Variants in OLFM3 observed in about 807,000 individuals in gnomAD.
OLFM3 encodes noelin-3.
OLFM3 carries 20 observed loss-of-function variants against 48.6 expected under a neutral mutation model. That is an observed-to-expected ratio of 0.41 (90% CI 0.29 to 0.60). The LOEUF (loss-of-function observed/expected upper bound fraction) is 0.60, where lower values mean the gene tolerates loss of function less well. Ranked by LOEUF, OLFM3 falls within the 20% of genes least tolerant of loss-of-function variation. The pLI is 0.28. For synonymous variants in OLFM3, 222 were observed against 198.1 expected (o/e 1.12, Z -1.01); for missense variants, 437 against 544.3 (o/e 0.80, Z 1.96).
chr1:101,830,878 G>A (rs749263966), intron 2 of OLFM3, 51 bp from the exon 3 acceptor site: 3 of 1,543,302 alleles, frequency 1.9e-6, no homozygotes, highest in East Asian at 4.6e-5. Flanking sequence ...GCAGGTTTGT[G>A]CAATCACTAA....
At position 101,825,764 on chromosome 1, in the gene OLFM3, C is replaced by T. The variant is rs145452897; in HGVS notation, c.373-519G>A. Among the ~76,000 whole-genome samples the T allele has an allele frequency of 2.2e-3, 340 of 152,234 alleles. 2 individuals are homozygous for T. Among genetic ancestry groups the T allele is most frequent in the African/African-American group, 7.9e-3 (329 of 41,552 alleles). On this transcript the variant is annotated intron_variant, in intron 3 of 5. Coordinates refer to ENST00000370103, the MANE Select transcript of OLFM3 (RefSeq NM_058170.4). ...GGACTCTGGATCAGCTTTTTTCTGA[C>T]ACTTAGAATTTTTCCATCATGGCCA...
intron 1 of OLFM3, among the ~76,000 whole-genome samples, chr1:101,848,650 A>G (rs775048740): frequency 8.5e-5 from 13 of 152,316 alleles, no homozygotes; most frequent in South Asian, 2.1e-4. Context: ...ACAATATTTT[A>G]TGTATTAAAC....
intron 1 of OLFM3, among the ~76,000 whole-genome samples, chr1:101,931,250 C>T (rs911733671): frequency 1.3e-5 from 2 of 152,068 alleles, no homozygotes; most frequent in African/African-American, 2.4e-5. Flanking sequence ...ATGCATAAGG[C>T]CAAAAAATTG....
chr1:101,976,470 A>G (rs1660955073), intron 1 of OLFM3, among the ~76,000 whole-genome samples: 4 of 152,214 alleles, frequency 2.6e-5, no homozygotes, highest in Admixed American at 1.3e-4. Context: ...ACACACGGAT[A>G]CAAATACTAA....
In OLFM3 at chr1:101,905,612, T is replaced by C. The variant is rs74107124; in HGVS notation, c.70-68587A>G. On this transcript the variant is annotated intron_variant, in intron 1 of 5. Transcript: ENST00000370103. ...GTGCTCATCAAGCTAACAGCCAGTTTCCAGGGAATAAATAAAGCCTCTGAA... is the reference window on the plus strand; with the variant it reads ...GTGCTCATCAAGCTAACAGCCAGTTCCCAGGGAATAAATAAAGCCTCTGAA... Among the ~76,000 whole-genome samples the C allele has an allele frequency of 7.5e-3, 1,135 of 152,220 alleles. 12 individuals carry two copies. Among genetic ancestry groups the C allele is most frequent in the African/African-American group, 0.026 (1,073 of 41,552 alleles).
chr1:101,960,236 A>T (rs892047092), intron 1 of OLFM3, among the ~76,000 whole-genome samples: 1 of 152,160 alleles, frequency 6.6e-6, no homozygotes, highest in African/African-American at 2.4e-5. Flanking sequence ...ACCATGAAAT[A>T]TTATAAAGGC....
At chr1:101,934,954 GAC>G (rs1220317720) in intron 1 of OLFM3, among the ~76,000 whole-genome samples, 3 of 152,112 alleles carry the variant, frequency 2.0e-5, no homozygotes, top group African/African-American at 7.2e-5. Context: ...GAATCTCTGA[GAC>G]ACTGCTAAAC....
intron 1 of OLFM3, among the ~76,000 whole-genome samples, chr1:101,841,515 C>T (rs1471796969): frequency 6.6e-6 from 1 of 152,172 alleles, no homozygotes; most frequent in Non-Finnish European, 1.5e-5. Context: ...ACAGGCCCCA[C>T]TGTAGTTGAT....
At chr1:101,833,025 T>C (rs558567980) in intron 2 of OLFM3, among the ~76,000 whole-genome samples, 5 of 152,346 alleles carry the variant, frequency 3.3e-5, no homozygotes, top group African/African-American at 1.2e-4. Flanking sequence ...AAATATGGCA[T>C]TTGTCTGTGA....
chr1:101,862,325 T>C (rs940671649), intron 1 of OLFM3, among the ~76,000 whole-genome samples: 11 of 152,194 alleles, frequency 7.2e-5, no homozygotes, highest in Non-Finnish European at 5.9e-5. Flanking sequence ...TGTCTCAGTG[T>C]TACATCCTTT....
intron 4 of OLFM3, among the ~76,000 whole-genome samples, chr1:101,822,133 G>A (rs1263049013): frequency 6.6e-6 from 1 of 151,970 alleles, no homozygotes; most frequent in African/African-American, 2.4e-5. Context: ...TATATTTGGG[G>A]GGTTACATGT....
chr1:101,923,658 A>G (rs1659171658), intron 1 of OLFM3, among the ~76,000 whole-genome samples: 1 of 152,128 alleles, frequency 6.6e-6, no homozygotes, highest in Non-Finnish European at 1.5e-5. Flanking sequence ...AAATTGAGTT[A>G]TCAGAAAATC....
chr1:101,850,804 T>C (rs1246144640), intron 1 of OLFM3, among the ~76,000 whole-genome samples: 1 of 152,148 alleles, frequency 6.6e-6, no homozygotes, highest in Non-Finnish European at 1.5e-5. Context: ...TTTATTTTTA[T>C]TATTTAAAAC....
At chr1:101,950,469 C>T (rs10782863) in intron 1 of OLFM3, among the ~76,000 whole-genome samples, 77,740 of 148,890 alleles carry the variant, frequency 0.52, 20,679 homozygotes, top group Middle Eastern at 0.63. Context: ...GACGGAGTCT[C>T]GCTCTGTCGC....
chr1:101,924,619 C>A (rs1037411198), intron 1 of OLFM3, among the ~76,000 whole-genome samples: 17 of 152,178 alleles, frequency 1.1e-4, no homozygotes, highest in African/African-American at 4.1e-4. Context: ...GCAACACTGT[C>A]ATTCCCAATA....
intron 1 of OLFM3, among the ~76,000 whole-genome samples, chr1:101,855,493 C>A (rs540141201): frequency 1.3e-5 from 2 of 152,160 alleles, no homozygotes; most frequent in East Asian, 3.9e-4. Flanking sequence ...ATATTGATTT[C>A]AAATTTAGTC....
At position 101,946,890 on chromosome 1, in the gene OLFM3, C is replaced by G. The variant is rs1194732655; in HGVS notation, c.69+49858G>C. Among the ~76,000 whole-genome samples the G allele has an allele frequency of 3.3e-5, 5 of 152,160 alleles. No individual in the cohort carries two copies. The East Asian group carries it at 9.6e-4, about 29-fold the overall frequency. On this transcript the variant is annotated intron_variant, in intron 1 of 5. Coordinates refer to ENST00000370103, the MANE Select transcript of OLFM3 (RefSeq NM_058170.4). ...AAGTGAAGCATAAATACATAGTACA[C>G]AGTGAAATTAAAAATGCAGTTATTC...
In OLFM3 at chr1:101,836,950, C is replaced by T; in HGVS notation, c.145G>A (p.Val49Ile). Residue 49 changes from valine (V) to isoleucine (I), a missense_variant, in exon 2 of 6, where the codon GTT (valine) becomes ATT (isoleucine). Physicochemically the swap from Val to Ile is conservative, Grantham distance 29. Transcript: ENST00000370103. ...CACAGGTTTTGTTCTGGAGCAACAA[C>T]TGTGCAAATGCACCGCCCATCAGGA... ...QDPDGRCICT[V>I]VAPEQNLCSR... is the part of the protein sequence containing the mutation. 1 of 1,614,170 alleles carries T rather than the reference C, an allele frequency of 6.2e-7. No homozygotes were observed. Among genetic ancestry groups the T allele is most frequent in the Non-Finnish European group, 8.5e-7 (1 of 1,180,012 alleles).
At chr1:101,957,236 C>G (rs1221206572) in intron 1 of OLFM3, among the ~76,000 whole-genome samples, 1 of 151,994 alleles carries the variant, frequency 6.6e-6, no homozygotes, top group Non-Finnish European at 1.5e-5. Context: ...TGGAGTCAGT[C>G]TCATATCTAT....
Sources: allele counts gnomAD v4.1 joint callset (sites outside exome capture counted in the v4.1 genomes callset), GRCh38; gene constraint gnomAD v4.1.1; transcripts MANE v1.5; gene names NCBI Gene and HGNC (gene_info 2026-07-23, HGNC 2026-07-21).